Variants in PIP4K2A observed in about 807,000 individuals in gnomAD.
PIP4K2A encodes phosphatidylinositol-5-phosphate 4-kinase type 2 alpha.
A neutral mutation model predicts 42.9 loss-of-function variants in PIP4K2A; 14 were observed. The observed-to-expected ratio is 0.33, with a 90% CI of 0.22 to 0.51. PIP4K2A has a LOEUF of 0.51. Ranked by LOEUF, PIP4K2A falls within the 20% of genes least tolerant of loss-of-function variation. The pLI, the probability that PIP4K2A is intolerant of heterozygous loss-of-function variation, is 0.97. For missense variants in PIP4K2A, 434 were observed against 519.8 expected (o/e 0.83, Z 1.61); for synonymous variants, 192 against 192.2 (o/e 1.00, Z 0.01).
At chr10:22,695,540 A>T (rs1839952047) in intron 1 of PIP4K2A, among the ~76,000 whole-genome samples, 1 of 152,164 alleles carries the variant, frequency 6.6e-6, no homozygotes, top group African/African-American at 2.4e-5. Flanking sequence ...AGAGAGAAAA[A>T]TCCCCTATAT....
intron 1 of PIP4K2A, among the ~76,000 whole-genome samples, chr10:22,649,435 C>T (rs939743188): frequency 2.6e-5 from 4 of 152,176 alleles, no homozygotes; most frequent in African/African-American, 9.7e-5. Flanking sequence ...TTGAGAAAAA[C>T]CCCTGAGCCA....
In PIP4K2A at chr10:22,541,940, C is replaced by G. The variant is rs1836128194; in HGVS notation, c.900G>C (p.Glu300Asp). ...GGTGGGTGCCATCGCTCTCGCCCTCCTCCTCCCCATCGTTCTCCTCACACT... is the reference window on the plus strand; with the variant it reads ...GGTGGGTGCCATCGCTCTCGCCCTCGTCCTCCCCATCGTTCTCCTCACACT... ...EVECEENDGE[E>D]EGESDGTHPV... The change falls in exon 8 of 10, where the codon GAG (glutamate) becomes GAC (aspartate). Residue 300 changes from glutamate (E) to aspartate (D), a missense_variant. Physicochemically the swap from Glu to Asp is conservative, Grantham distance 45 (BLOSUM62 2). Transcript: ENST00000376573. 6.2e-7 allele frequency: 1 copy of G among 1,613,970 alleles called. No homozygotes were observed. The highest frequency in any genetic ancestry group is 8.5e-7 in the Non-Finnish European group (1 of 1,179,988).
At chr10:22,659,611 T>C (rs1171500) in intron 1 of PIP4K2A, 58,654 of 152,104 alleles carry the variant, frequency 0.39, 11,878 homozygotes, top group Non-Finnish European at 0.43. Flanking sequence ...GGAACTTGCC[T>C]CTTAAGGGTT....
intron 5 of PIP4K2A, among the ~76,000 whole-genome samples, chr10:22,572,836 C>A (rs1479600438): frequency 6.6e-6 from 1 of 152,194 alleles, no homozygotes; most frequent in Non-Finnish European, 1.5e-5. Flanking sequence ...TTCCTCAGCT[C>A]ATTTCCTCAT....
chr10:22,639,266 T>C (rs745995699), intron 1 of PIP4K2A, among the ~76,000 whole-genome samples: 1 of 151,774 alleles, frequency 6.6e-6, no homozygotes, highest in Non-Finnish European at 1.5e-5. Flanking sequence ...ATGTTTATCA[T>C]GCACGTAACA....
intron 7 of PIP4K2A, among the ~76,000 whole-genome samples, chr10:22,550,197 AT>A (rs1836368815): frequency 6.6e-6 from 1 of 152,206 alleles, no homozygotes; most frequent in Admixed American, 6.5e-5. Context: ...ATAGGAAAGC[AT>A]TAAGTGACCC....
In PIP4K2A at chr10:22,664,078, T is replaced by TATATATATATATACATATATATATATAC. The variant is rs1564459826; in HGVS notation, c.144+50104_144+50105insGTATATATATATATGTATATATATATAT. Among the ~76,000 whole-genome samples, 10 of 66,352 alleles carry TATATATATATATACATATATATATATAC rather than the reference T, an allele frequency of 1.5e-4. No individual in the cohort carries two copies. In the East Asian group the frequency reaches 2.9e-3, roughly 19 times the overall value. 43.5% of individuals were successfully genotyped at this position (66,352 alleles called of 152,430 possible). On this transcript the variant is annotated intron_variant, in intron 1 of 9. Transcript: ENST00000376573. ...GTATATATACATATATATATATACGTATATATATATACATATATATATATA... is the reference window on the plus strand; with the variant it reads ...GTATATATACATATATATATATACGTATATATATATATACATATATATATATACATATATATATACATATATATATATA...
chr10:22,560,532 G>T (rs73598566), intron 6 of PIP4K2A, among the ~76,000 whole-genome samples: 1 of 152,228 alleles, frequency 6.6e-6, no homozygotes, highest in Non-Finnish European at 1.5e-5. Flanking sequence ...CGTCGGAGAC[G>T]GTGACAGTCA....
At chr10:22,621,922 C>T (rs944547958) in intron 1 of PIP4K2A, among the ~76,000 whole-genome samples, 2 of 152,200 alleles carry the variant, frequency 1.3e-5, no homozygotes, top group Non-Finnish European at 2.9e-5. Context: ...CTTTCCTGCC[C>T]AGCATCCATC....
chr10:22,540,171 G>A, intron 8 of PIP4K2A, 97 bp from the exon 9 acceptor site: 1 of 765,228 alleles, frequency 1.3e-6, no homozygotes, highest in African/African-American at 1.7e-5. Flanking sequence ...GAGCCTGGAG[G>A]GAGGGGATTC....
chr10:22,548,978 G>A (rs1262422522), intron 7 of PIP4K2A, among the ~76,000 whole-genome samples: 1 of 152,138 alleles, frequency 6.6e-6, no homozygotes, highest in Admixed American at 6.5e-5. Context: ...TGCCTGAGCT[G>A]GGAGTTCAAG....
At chr10:22,627,484 ATC>A (rs1339467941) in intron 1 of PIP4K2A, among the ~76,000 whole-genome samples, 1 of 151,846 alleles carries the variant, frequency 6.6e-6, no homozygotes, top group African/African-American at 2.4e-5. Context: ...TCTCACAAAT[ATC>A]TCTTTTACAT....
intron 2 of PIP4K2A, among the ~76,000 whole-genome samples, chr10:22,608,438 C>G (rs957302068): frequency 3.3e-5 from 5 of 152,190 alleles, no homozygotes; most frequent in East Asian, 1.9e-4. Flanking sequence ...CCCTCACCCC[C>G]CTAAAAGGCC....
chr10:22,607,261 G>A (rs1190640047), intron 3 of PIP4K2A, among the ~76,000 whole-genome samples: 1 of 152,172 alleles, frequency 6.6e-6, no homozygotes, highest in African/African-American at 2.4e-5. Context: ...GTTATTTAAA[G>A]AGTTAAAACA....
rs546524869 is a variant in PIP4K2A at position 22,684,067 on chromosome 10, CT to C, written c.144+30115del. On this transcript the variant is annotated intron_variant, in intron 1 of 9. Transcript: ENST00000376573. ...CATTACTTTGTGTGTAGAATGTAGTCTTTTTCCCCCCCTTAAATGCATTACC... is the reference window on the plus strand; with the variant it reads ...CATTACTTTGTGTGTAGAATGTAGTCTTTTCCCCCCCTTAAATGCATTACC... 1.9e-3 allele frequency among the ~76,000 whole-genome samples: 291 copies of C among 152,146 alleles called. 3 individuals are homozygous for C. The highest frequency in any genetic ancestry group is 6.9e-3 in the African/African-American group (285 of 41,504).
chr10:22,540,812 C>T (rs987128048), intron 8 of PIP4K2A, among the ~76,000 whole-genome samples: 7 of 152,218 alleles, frequency 4.6e-5, no homozygotes, highest in Non-Finnish European at 8.8e-5. Flanking sequence ...GCCGCGGCCT[C>T]CCAAAGTGCT....
chr10:22,606,335 C>T (rs114871986), intron 3 of PIP4K2A, among the ~76,000 whole-genome samples: 1 of 152,004 alleles, frequency 6.6e-6, no homozygotes, highest in Non-Finnish European at 1.5e-5. Context: ...AACGCCCTAA[C>T]AGGAGTGTTG....
chr10:22,638,002 A>T (rs987975110), intron 1 of PIP4K2A, among the ~76,000 whole-genome samples: 1 of 152,166 alleles, frequency 6.6e-6, no homozygotes, highest in African/African-American at 2.4e-5. Context: ...CTCTTTGGAG[A>T]TACTGAGTGC....
intron 1 of PIP4K2A, among the ~76,000 whole-genome samples, chr10:22,656,924 GTTATT>G (rs1839113271): frequency 6.6e-6 from 1 of 152,086 alleles, no homozygotes; most frequent in Non-Finnish European, 1.5e-5. Flanking sequence ...GTCAGTTTGA[GTTATT>G]TTATGTCACT....
Sources: allele counts gnomAD v4.1 joint callset (sites outside exome capture counted in the v4.1 genomes callset), GRCh38; gene constraint gnomAD v4.1.1; transcripts MANE v1.5; gene names NCBI Gene and HGNC (gene_info 2026-07-23, HGNC 2026-07-21).